The following OPHN1 variants were observed in gnomAD, a reference collection of about 807,000 sequenced individuals.
OPHN1 encodes oligophrenin 1.
Under a neutral mutation model 60.7 loss-of-function variants are expected in OPHN1, and 11 were observed. The observed-to-expected ratio is 0.18, with a 90% confidence interval of 0.11 to 0.30. The LOEUF (loss-of-function observed/expected upper bound fraction) is 0.30, where lower values mean the gene tolerates loss of function less well. Among genes scored for constraint, OPHN1 ranks in the 10% least tolerant of loss-of-function variants. The pLI is 1.00. For missense variants in OPHN1, 449 were observed against 611.0 expected (o/e 0.73, Z 2.80); for synonymous variants, 226 against 222.6 (o/e 1.02, Z -0.14).
At chrX:68,086,729 G>A (rs1470820590) in intron 19 of OPHN1, among the ~76,000 whole-genome samples, 1 of 111,839 alleles carries the variant, frequency 8.9e-6, no homozygotes. Context: ...ACTTGACAGG[G>A]TATAGGCCTT....
intron 24 of OPHN1, among the ~76,000 whole-genome samples, chrX:68,047,448 T>C (rs2076835987): frequency 8.9e-6 from 1 of 111,743 alleles, no homozygotes; most frequent in South Asian, 3.8e-4. Flanking sequence ...CCTCTGAGAT[T>C]TCTTCCCACA....
At chrX:68,296,805 T>C (rs905714737) in intron 3 of OPHN1, among the ~76,000 whole-genome samples, 9 of 110,698 alleles carry the variant, frequency 8.1e-5, no homozygotes, top group Non-Finnish European at 1.5e-4. Flanking sequence ...TCTTTCTTTC[T>C]TTTTTTAAAA....
At chrX:68,261,872 A>G (rs1163420632) in intron 5 of OPHN1, among the ~76,000 whole-genome samples, 1 of 111,471 alleles carries the variant, frequency 9.0e-6, no homozygotes, top group Non-Finnish European at 1.9e-5. Context: ...TAATAATATC[A>G]ATAAGATTAC....
intron 16 of OPHN1, among the ~76,000 whole-genome samples, chrX:68,114,662 G>A (rs1418197289): frequency 9.0e-6 from 1 of 110,739 alleles, no homozygotes; most frequent in African/African-American, 3.3e-5. Context: ...CTACTCAAGG[G>A]GCTGAGATGG....
At chrX:68,214,006 G>C (rs748337121) in intron 6 of OPHN1, 34 bp from the exon 7 acceptor site, 10 of 845,015 alleles carry the variant, frequency 1.2e-5, no homozygotes, top group African/African-American at 2.0e-5. Flanking sequence ...TTACATATTG[G>C]GATATTCATT....
chrX:68,153,693 G>A (rs929810659), intron 15 of OPHN1, among the ~76,000 whole-genome samples: 1 of 111,289 alleles, frequency 9.0e-6, no homozygotes, highest in Non-Finnish European at 1.9e-5. Flanking sequence ...CTTGCACAAG[G>A]ATTCCTGCAC....
At chrX:68,225,979 T>A (rs1447883977) in intron 6 of OPHN1, among the ~76,000 whole-genome samples, 1 of 110,916 alleles carries the variant, frequency 9.0e-6, no homozygotes, top group African/African-American at 3.3e-5. Flanking sequence ...CTAAAAACCT[T>A]GAAAAAAGAT....
intron 6 of OPHN1, among the ~76,000 whole-genome samples, chrX:68,219,537 T>A (rs2077639657): frequency 1.8e-5 from 2 of 108,376 alleles, no homozygotes; most frequent in South Asian, 8.2e-4. Flanking sequence ...GAAGTAAAGC[T>A]CTCCTCAGCA....
rs759990946 is a variant in OPHN1 at position 68,126,506 on chromosome X, G to A, written c.1277-7174C>T. Among the ~76,000 whole-genome samples the A allele has an allele frequency of 1.7e-4, 19 of 110,415 alleles. No individual in the cohort carries two copies. In the South Asian group the frequency reaches 3.6e-3, roughly 21 times the overall value. On this transcript the variant is annotated intron_variant, in intron 15 of 24. Transcript: ENST00000355520. ...GTTGCCCAGGCTGGAGTGCAGTGGC[G>A]CAATCTCGGCTCACTGCAACCTCTG...
intron 15 of OPHN1, among the ~76,000 whole-genome samples, chrX:68,169,463 G>A (rs751752666): frequency 0.047 from 5,071 of 108,993 alleles, 315 homozygotes; most frequent in African/African-American, 0.16. Flanking sequence ...AAAAGAGCCC[G>A]CATTGCCAAG....
intron 3 of OPHN1, among the ~76,000 whole-genome samples, chrX:68,285,201 T>C (rs1602297111): frequency 8.9e-6 from 1 of 111,925 alleles, no homozygotes; most frequent in South Asian, 3.9e-4. Flanking sequence ...TATTATTATA[T>C]TCTTTTTCTG....
chrX:68,426,992 C>T (rs1392184396), intron 2 of OPHN1, among the ~76,000 whole-genome samples: 1 of 105,846 alleles, frequency 9.4e-6, no homozygotes, highest in African/African-American at 3.4e-5. Flanking sequence ...CGGCTCACAC[C>T]TGTAATCACA....
chrX:68,394,673 G>A (rs187880943), intron 2 of OPHN1, among the ~76,000 whole-genome samples: 1 of 111,685 alleles, frequency 9.0e-6, no homozygotes, highest in African/African-American at 3.2e-5. Flanking sequence ...TTGAGACTGA[G>A]TCTCATTCTG....
In OPHN1 at chrX:68,120,097, C is replaced by T. The variant is rs112105651; in HGVS notation, c.1277-765G>A. On this transcript the variant is annotated intron_variant, in intron 15 of 24. Transcript: ENST00000355520. The stretch of plus-strand genomic sequence containing the variant: ...GGGGAAAAAAAATTCCTGAGAAGAA[C>T]TTAAGTAAGTCACAGGCCAGGGGCA... Among the ~76,000 whole-genome samples, 618 of 111,381 alleles carry T rather than the reference C, an allele frequency of 5.5e-3. 8 individuals are homozygous for T. The highest frequency in any genetic ancestry group is 0.019 in the African/African-American group (589 of 30,651).
chrX:68,179,464 AT>A (rs1389236640), intron 15 of OPHN1, among the ~76,000 whole-genome samples: 2 of 112,250 alleles, frequency 1.8e-5, no homozygotes, highest in African/African-American at 6.5e-5. Context: ...CTTGAGTCAG[AT>A]TCCTCTGAAT....
rs754730248 is a variant in OPHN1, at chrX:68,389,911, T to C, written c.154+42956A>G. On this transcript the variant is annotated intron_variant, in intron 2 of 24. Coordinates refer to ENST00000355520, the MANE Select transcript of OPHN1 (RefSeq NM_002547.3). ...ACTGTTATAAGGACATACTTGAGAC[T>C]GGGTAATTTATAAAGGAAAGAGGTT... Among the ~76,000 whole-genome samples the C allele has an allele frequency of 4.5e-5, 5 of 111,675 alleles. No individual in the cohort carries two copies. The South Asian group carries it at 1.9e-3, about 42-fold the overall frequency.
intron 15 of OPHN1, among the ~76,000 whole-genome samples, chrX:68,122,499 T>C (rs1459205425): frequency 9.0e-6 from 1 of 111,128 alleles, no homozygotes; most frequent in Non-Finnish European, 1.9e-5. Context: ...ATGAACTAAA[T>C]AAGGCATCAG....
In OPHN1 at chrX:68,307,443, G is replaced by A. The variant is rs112615764; in HGVS notation, c.155-8347C>T. ...TGCACTTCAGCCTGGGTGACAGAGC[G>A]AGACCCTATGTCAACAAAAAAAAAA... On this transcript the variant is annotated intron_variant, in intron 2 of 24. Coordinates refer to ENST00000355520, the MANE Select transcript of OPHN1 (RefSeq NM_002547.3). 2.6e-3 allele frequency among the ~76,000 whole-genome samples: 268 copies of A among 101,288 alleles called. 1 individual carries two copies. The highest frequency in any genetic ancestry group is 0.01 in the African/African-American group (257 of 25,294). The allele number at this position is 101,288 out of a possible 115,157, so 88.0% of individuals were successfully genotyped here. A position where few individuals can be genotyped will look rare whatever the true frequency, so the allele number is the denominator to read the frequency against.
chrX:68,217,590 G>GCAGA (rs926078512), intron 6 of OPHN1, among the ~76,000 whole-genome samples: 9 of 109,648 alleles, frequency 8.2e-5, no homozygotes, highest in Non-Finnish European at 1.7e-4. Context: ...CTGAGAACGG[G>GCAGA]CAGACTGCCT....
Sources: gnomAD v4.1 joint callset for allele counts (sites outside exome capture counted in the v4.1 genomes callset) on GRCh38, gnomAD v4.1.1 for gene constraint, MANE v1.5 for transcripts, NCBI Gene and HGNC (gene_info 2026-07-23, HGNC 2026-07-21) for gene names.